Variants in PSTPIP2 observed in about 807,000 individuals in gnomAD.
PSTPIP2 encodes proline-serine-threonine phosphatase interacting protein 2.
In PSTPIP2, 33 loss-of-function variants were observed where a neutral mutation model predicts 63.3. That is an observed-to-expected ratio of 0.52 (90% CI 0.40 to 0.70). PSTPIP2 has a LOEUF of 0.70. PSTPIP2 is among the 30% of genes least tolerant of loss of function. PSTPIP2 has a pLI of 0.00. For synonymous variants in PSTPIP2, 125 were observed against 132.7 expected (o/e 0.94, Z 0.40); for missense variants, 312 against 400.7 (o/e 0.78, Z 1.89).
At chr18:46,064,211 A>G (rs1909088023) in intron 1 of PSTPIP2, among the ~76,000 whole-genome samples, 1 of 151,484 alleles carries the variant, frequency 6.6e-6, no homozygotes, top group African/African-American at 2.4e-5. Flanking sequence ...ATTTATACAG[A>G]AGGTAAGTGA....
At chr18:46,040,211 C>CA (rs1908141759) in intron 1 of PSTPIP2, 164 bp from the exon 2 acceptor site, 2 of 496,466 alleles carry the variant, frequency 4.0e-6, no homozygotes, top group Non-Finnish European at 7.1e-6. Context: ...TCTCCACCCC[C>CA]ACCCTGGAGA....
rs932074346 is a variant in PSTPIP2 at position 46,011,362 on chromosome 18, A to G, written c.248-75T>C. On this transcript the variant is annotated intron_variant, in intron 4 of 14. Transcript: ENST00000409746. ...AAAATATATAAAATCATACAAAATA[A>G]ATATGTATATACAAAATACTGGAGT... is the stretch of plus-strand genomic sequence containing the variant. 6.8e-6 allele frequency: 8 copies of G among 1,174,714 alleles called. No individual in the cohort carries two copies. In the African/African-American group the frequency reaches 1.3e-4, roughly 18 times the overall value. 72.8% of individuals were successfully genotyped at this position (1,174,714 alleles called of 1,614,324 possible).
chr18:46,043,425 C>T (rs78644351), intron 1 of PSTPIP2, among the ~76,000 whole-genome samples: 1,938 of 151,402 alleles, frequency 0.013, 37 homozygotes, highest in African/African-American at 0.044. Flanking sequence ...AAAGAGGAAT[C>T]TCAACGCAGA....
intron 9 of PSTPIP2, chr18:45,993,919 A>G: frequency 1.9e-6 from 1 of 526,276 alleles, no homozygotes; most frequent in South Asian, 2.0e-5. Flanking sequence ...CAGGCTTGGA[A>G]ATAGTTCTGA....
intron 9 of PSTPIP2, among the ~76,000 whole-genome samples, chr18:45,995,594 C>G (rs528195819): frequency 5.3e-5 from 8 of 152,198 alleles, no homozygotes; most frequent in African/African-American, 1.7e-4. Flanking sequence ...AAAGAGAGAT[C>G]AAATAAGATT....
intron 3 of PSTPIP2, 43 bp from the exon 4 acceptor site, chr18:46,015,980 C>T (rs2051849347): frequency 6.3e-7 from 1 of 1,586,160 alleles, no homozygotes; most frequent in African/African-American, 1.3e-5. Context: ...TCTGGAAATT[C>T]TCTGCACAAT....
chr18:45,997,673 C>G (rs1286476632), intron 9 of PSTPIP2, 76 bp downstream of exon 9: 5 of 279,994 alleles, frequency 1.8e-5, no homozygotes, highest in Admixed American at 9.6e-5. Context: ...CCTCCCCCCC[C>G]CGTCCTGAGC....
intron 6 of PSTPIP2, among the ~76,000 whole-genome samples, chr18:46,004,235 G>A (rs6507659): frequency 0.24 from 36,191 of 152,082 alleles, 5,970 homozygotes; most frequent in African/African-American, 0.45. Context: ...TCTGCATCAA[G>A]GAGAAAAAGA....
intron 2 of PSTPIP2, among the ~76,000 whole-genome samples, chr18:46,034,084 C>A (rs1907880347): frequency 6.6e-6 from 1 of 152,262 alleles, no homozygotes; most frequent in South Asian, 2.1e-4. Flanking sequence ...TTAAGGCTGT[C>A]CTGAGACATA....
chr18:46,046,728 G>C (rs928680815), intron 1 of PSTPIP2, among the ~76,000 whole-genome samples: 2 of 152,222 alleles, frequency 1.3e-5, no homozygotes, highest in African/African-American at 4.8e-5. Flanking sequence ...GAAGTGCAAA[G>C]AAGAGGCCAG....
At chr18:46,005,671 G>A in intron 5 of PSTPIP2, 140 bp from the exon 6 acceptor site, 1 of 711,394 alleles carries the variant, frequency 1.4e-6, no homozygotes, top group Non-Finnish European at 2.3e-6. Flanking sequence ...AGAGAAAAGA[G>A]ACCAAACAAT....
intron 6 of PSTPIP2, among the ~76,000 whole-genome samples, chr18:46,002,072 T>A (rs2144072100): frequency 6.6e-6 from 1 of 152,332 alleles, no homozygotes; most frequent in East Asian, 1.9e-4. Flanking sequence ...TTCCTCATAG[T>A]CTCCATGGTT....
At chr18:46,005,235 G>A (rs1422661391) in intron 6 of PSTPIP2, among the ~76,000 whole-genome samples, 1 of 152,008 alleles carries the variant, frequency 6.6e-6, no homozygotes, top group African/African-American at 2.4e-5. Context: ...GGAGGGAGAG[G>A]AGCAGAAAAG....
chr18:46,034,274 C>T (rs1907888830), intron 2 of PSTPIP2, among the ~76,000 whole-genome samples: 1 of 152,132 alleles, frequency 6.6e-6, no homozygotes, highest in African/African-American at 2.4e-5. Flanking sequence ...AAAGGTGTTC[C>T]ACAAGCATGC....
chr18:46,025,934 T>C (rs1390984308), intron 2 of PSTPIP2, among the ~76,000 whole-genome samples: 2 of 152,172 alleles, frequency 1.3e-5, no homozygotes, highest in Admixed American at 6.5e-5. Context: ...TTTGTATTTT[T>C]AGTGGAGACA....
At chr18:46,020,338 A>T (rs1411967613) in intron 3 of PSTPIP2, among the ~76,000 whole-genome samples, 1 of 152,156 alleles carries the variant, frequency 6.6e-6, no homozygotes, top group Non-Finnish European at 1.5e-5. Context: ...TGAGGTGGAA[A>T]ATCCTAGCTA....
At chr18:46,056,440 G>A (rs572083626) in intron 1 of PSTPIP2, among the ~76,000 whole-genome samples, 9 of 152,350 alleles carry the variant, frequency 5.9e-5, no homozygotes, top group Middle Eastern at 3.4e-3. Flanking sequence ...GGGGCCAGGC[G>A]TGGTTGCTCA....
chr18:46,043,928 AG>A (rs144596036), intron 1 of PSTPIP2, among the ~76,000 whole-genome samples: 149 of 152,334 alleles, frequency 9.8e-4, no homozygotes, highest in African/African-American at 3.3e-3. Context: ...GGATAACACA[AG>A]AAGTTTTGCA....
At chr18:46,041,006 A>C (rs1304219572) in intron 1 of PSTPIP2, 1 of 457,996 alleles carries the variant, frequency 2.2e-6, no homozygotes, top group Non-Finnish European at 4.4e-6. Flanking sequence ...GGTGCTATAA[A>C]ATTTTTACTC....
Sources: gnomAD v4.1 joint callset for allele counts (sites outside exome capture counted in the v4.1 genomes callset) on GRCh38, gnomAD v4.1.1 for gene constraint, MANE v1.5 for transcripts, NCBI Gene and HGNC (gene_info 2026-07-23, HGNC 2026-07-21) for gene names.